The following UBASH3B variants were observed in gnomAD, a reference collection of about 807,000 sequenced individuals.
UBASH3B encodes ubiquitin-associated and SH3 domain-containing protein B.
UBASH3B carries 37 observed loss-of-function variants against 83.4 expected under a neutral mutation model. That is an observed-to-expected ratio of 0.44 (90% CI 0.34 to 0.58). The LOEUF is 0.58. UBASH3B is among the 20% of genes least tolerant of loss of function. UBASH3B has a pLI of 0.01. For synonymous variants in UBASH3B, 304 were observed against 318.3 expected, an observed-to-expected ratio of 0.96 and a Z score of 0.48; for missense variants, 657 against 827.2, an observed-to-expected ratio of 0.79 and a Z score of 2.52.
intron 1 of UBASH3B, among the ~76,000 whole-genome samples, chr11:122,739,715 T>A (rs1591793688): frequency 2.6e-5 from 4 of 152,246 alleles, no homozygotes; most frequent in African/African-American, 9.6e-5. Context: ...CTCTCTGATT[T>A]GACAAATTGG....
At chr11:122,693,551 G>GA (rs1325677183) in intron 1 of UBASH3B, among the ~76,000 whole-genome samples, 1 of 152,162 alleles carries the variant, frequency 6.6e-6, no homozygotes, top group Non-Finnish European at 1.5e-5. Flanking sequence ...GTCATGGGAG[G>GA]AAAAATAAGC....
chr11:122,677,471 C>T (rs1422823839), intron 1 of UBASH3B, among the ~76,000 whole-genome samples: 4 of 152,260 alleles, frequency 2.6e-5, no homozygotes, highest in Middle Eastern at 3.4e-3. Context: ...GAACATTGTA[C>T]GTACCTGATG....
chr11:122,674,920 G>A (rs1399071331), intron 1 of UBASH3B, among the ~76,000 whole-genome samples: 1 of 151,680 alleles, frequency 6.6e-6, no homozygotes, highest in African/African-American at 2.4e-5. Flanking sequence ...GTAGAGACAG[G>A]GTTTCACCAT....
chr11:122,729,393 A>AGT (rs1365886045), intron 1 of UBASH3B, among the ~76,000 whole-genome samples: 4 of 152,282 alleles, frequency 2.6e-5, no homozygotes, highest in African/African-American at 9.6e-5. Context: ...ATCCTGCTGA[A>AGT]GTCAGGACCT....
At chr11:122,679,032 A>C (rs1207096310) in intron 1 of UBASH3B, among the ~76,000 whole-genome samples, 1 of 152,222 alleles carries the variant, frequency 6.6e-6, no homozygotes, top group African/African-American at 2.4e-5. Flanking sequence ...CAGGCTGTGA[A>C]GAGGTACACG....
Position 122,789,295 on chromosome 11 carries a change from T to A in UBASH3B, c.967T>A (p.Trp323Arg). 6.2e-7 allele frequency: 1 copy of A among 1,614,200 alleles called. No individual in the cohort carries two copies. Residue 323 changes from tryptophan to arginine, a missense_variant, in exon 6 of 14, where the codon TGG (tryptophan) becomes AGG (arginine). Trp to Arg is a moderately radical substitution (Grantham distance 101, BLOSUM62 -3). This residue lies in a region of UBASH3B where 573 missense variants were observed against 739.0 expected (regional missense o/e 0.78). Coordinates refer to ENST00000284273, the MANE Select transcript of UBASH3B (RefSeq NM_032873.5). ...YITKADECST[W>R]IFHGSYSILN... ...TACCAAGGCTGATGAATGCAGCACC[T>A]GGATATTTCATGGGTAAGCAGACAC...
intron 1 of UBASH3B, among the ~76,000 whole-genome samples, chr11:122,724,829 A>G (rs938549697): frequency 3.3e-5 from 5 of 152,136 alleles, no homozygotes; most frequent in African/African-American, 2.4e-5. Context: ...AGTGAGCGGC[A>G]TCCTAAGATC....
At chr11:122,726,673 G>T (rs991446625) in intron 1 of UBASH3B, among the ~76,000 whole-genome samples, 9 of 152,082 alleles carry the variant, frequency 5.9e-5, no homozygotes, top group African/African-American at 2.2e-4. Context: ...TGAGCAAATG[G>T]GATCATAGAT....
intron 1 of UBASH3B, among the ~76,000 whole-genome samples, chr11:122,696,434 C>T (rs1042373390): frequency 3.6e-4 from 54 of 151,442 alleles, no homozygotes; most frequent in African/African-American, 1.2e-3. Flanking sequence ...CCTCAGCCTC[C>T]TGAGTAGCTT....
chr11:122,729,895 G>A (rs1372565064), intron 1 of UBASH3B, among the ~76,000 whole-genome samples: 1 of 140,322 alleles, frequency 7.1e-6, no homozygotes, highest in Non-Finnish European at 1.5e-5. Flanking sequence ...GGGAGGATCA[G>A]TTGGGCATGG....
At chr11:122,695,669 T>A (rs1863956916) in intron 1 of UBASH3B, among the ~76,000 whole-genome samples, 1 of 152,226 alleles carries the variant, frequency 6.6e-6, no homozygotes, top group Admixed American at 6.5e-5. Flanking sequence ...ATTGTGATCC[T>A]CTTAGTGCCT....
At chr11:122,785,415 G>A (rs554618443) in intron 5 of UBASH3B, among the ~76,000 whole-genome samples, 1 of 152,272 alleles carries the variant, frequency 6.6e-6, no homozygotes, top group East Asian at 1.9e-4. Flanking sequence ...GGGAACAGAT[G>A]TCCAGAGAAG....
chr11:122,798,733 C>T (rs1591329208), intron 9 of UBASH3B, among the ~76,000 whole-genome samples: 1 of 146,738 alleles, frequency 6.8e-6, no homozygotes, highest in Non-Finnish European at 1.5e-5. Flanking sequence ...AAAGACAAGA[C>T]AAGAAGGGCT....
At chr11:122,677,286 T>C (rs904268683) in intron 1 of UBASH3B, among the ~76,000 whole-genome samples, 1 of 152,230 alleles carries the variant, frequency 6.6e-6, no homozygotes. Flanking sequence ...GATTTCGATA[T>C]CTGAGGGAGG....
At chr11:122,691,003 A>C (rs1029855270) in intron 1 of UBASH3B, among the ~76,000 whole-genome samples, 18 of 152,216 alleles carry the variant, frequency 1.2e-4, no homozygotes, top group African/African-American at 4.3e-4. Context: ...AAGTAGCGGT[A>C]AAGCCAGAAC....
intron 1 of UBASH3B, among the ~76,000 whole-genome samples, chr11:122,742,666 C>A (rs79805048): frequency 6.6e-6 from 1 of 152,202 alleles, no homozygotes; most frequent in Non-Finnish European, 1.5e-5. Context: ...GAATATAGCA[C>A]GAAGGGTTCC....
At position 122,712,947 on chromosome 11, in the gene UBASH3B, G is replaced by A. The variant is rs1342486400; in HGVS notation, c.161+56737G>A. Among the ~76,000 whole-genome samples the A allele has an allele frequency of 8.6e-5, 10 of 115,620 alleles. No homozygotes were observed. In the South Asian group the frequency reaches 1.2e-3, roughly 14 times the overall value. The allele number at this position is 115,620 out of a possible 152,430, so 75.9% of individuals were successfully genotyped here. ...TTTTTGAGATGGATCTCGCTCTGTC[G>A]CCCAGGCTGGAGTGCAGTGGTGCGA... On this transcript the variant is annotated intron_variant, in intron 1 of 13. Coordinates refer to ENST00000284273, the MANE Select transcript of UBASH3B (RefSeq NM_032873.5).
chr11:122,793,685 C>T (rs1026304959), intron 6 of UBASH3B, among the ~76,000 whole-genome samples: 6 of 152,164 alleles, frequency 3.9e-5, no homozygotes, highest in African/African-American at 7.2e-5. Flanking sequence ...TTAAGCTTGG[C>T]AGGTTTTGAC....
chr11:122,736,150 G>T (rs1335549156), intron 1 of UBASH3B, among the ~76,000 whole-genome samples: 1 of 152,082 alleles, frequency 6.6e-6, no homozygotes, highest in Admixed American at 6.6e-5. Flanking sequence ...GGCAGAGAAA[G>T]ATAGAGAAGT....
Sources: gnomAD v4.1 joint callset for allele counts (sites outside exome capture counted in the v4.1 genomes callset) on GRCh38, gnomAD v4.1.1 for gene constraint, gnomAD v4.1.1 regional missense constraint, MANE v1.5 for transcripts, NCBI Gene and HGNC (gene_info 2026-07-23, HGNC 2026-07-21) for gene names.